Variants in DOK6 observed in about 807,000 individuals in gnomAD.
DOK6 encodes docking protein 6.
In DOK6, 22 loss-of-function variants were observed where a neutral mutation model predicts 44.0. The observed-to-expected ratio is 0.50, with a 90% CI of 0.36 to 0.71. The LOEUF is 0.71. Among genes scored for constraint, DOK6 ranks in the 30% least tolerant of loss-of-function variants. The pLI, the probability that DOK6 is intolerant of heterozygous loss-of-function variation, is 0.00. For synonymous variants in DOK6, 166 were observed against 145.5 expected (o/e 1.14, Z -1.01); for missense variants, 340 against 416.4 (o/e 0.82, Z 1.60).
In DOK6 at chr18:69,510,318, C is replaced by G. The variant is rs1981330625; in HGVS notation, c.67-54169C>G. Reference sequence around the variant, plus strand: ...AATATTGCTTTTAGTTAATATTAACCATTAAGTAATGAAAACATCTTCAAT... The same window carrying G: ...AATATTGCTTTTAGTTAATATTAACGATTAAGTAATGAAAACATCTTCAAT... On this transcript the variant is annotated intron_variant, in intron 1 of 7. Coordinates refer to ENST00000382713, the MANE Select transcript of DOK6 (RefSeq NM_152721.6). Among the ~76,000 whole-genome samples the G allele has an allele frequency of 2.6e-5, 4 of 152,182 alleles. No homozygotes were observed. In the East Asian group the frequency reaches 5.8e-4, roughly 22 times the overall value.
intron 1 of DOK6, among the ~76,000 whole-genome samples, chr18:69,563,020 T>C (rs371654270): frequency 3.6e-4 from 55 of 152,240 alleles, no homozygotes; most frequent in Non-Finnish European, 6.9e-4. Flanking sequence ...CAAAAGAAGA[T>C]ATTTATGCAG....
chr18:69,777,087 A>G (rs571646264), intron 7 of DOK6, among the ~76,000 whole-genome samples: 6 of 151,792 alleles, frequency 4.0e-5, no homozygotes, highest in South Asian at 4.2e-4. Context: ...GCACATGTAT[A>G]CGTATATAAC....
intron 1 of DOK6, among the ~76,000 whole-genome samples, chr18:69,433,809 T>G (rs1978872978): frequency 6.6e-6 from 1 of 152,218 alleles, no homozygotes; most frequent in South Asian, 2.1e-4. Context: ...TGAAGTTCAA[T>G]AGAGAGCACA....
At chr18:69,716,248 A>T (rs939776211) in intron 5 of DOK6, among the ~76,000 whole-genome samples, 4 of 152,186 alleles carry the variant, frequency 2.6e-5, no homozygotes, top group Non-Finnish European at 2.9e-5. Flanking sequence ...TTATTGAGGG[A>T]ATTTGTAATT....
chr18:69,779,044 T>C (rs1980169402), intron 7 of DOK6, among the ~76,000 whole-genome samples: 1 of 152,092 alleles, frequency 6.6e-6, no homozygotes, highest in African/African-American at 2.4e-5. Flanking sequence ...ATATACAAAA[T>C]ACAAAAAAAG....
At chr18:69,642,623 C>A (rs978797962) in intron 3 of DOK6, among the ~76,000 whole-genome samples, 1 of 152,026 alleles carries the variant, frequency 6.6e-6, no homozygotes, top group Non-Finnish European at 1.5e-5. Flanking sequence ...AAAATATTGA[C>A]ATTCTGGAAG....
rs942823367 is a variant in DOK6 at position 69,846,973 on chromosome 18, TACTA to T, written c.*5592_*5595del. 1 of 152,174 alleles carries T rather than the reference TACTA, an allele frequency of 6.6e-6. No homozygotes were observed. The highest frequency in any genetic ancestry group is 1.5e-5 in the Non-Finnish European group (1 of 68,038). 9.4% of individuals were successfully genotyped at this position (152,174 alleles called of 1,614,324 possible). A position where few individuals can be genotyped will look rare whatever the true frequency, so the allele number is the denominator to read the frequency against. On this transcript the variant is annotated 3_prime_UTR_variant, in exon 8 of 8. Coordinates refer to ENST00000382713, the MANE Select transcript of DOK6 (RefSeq NM_152721.6). ...GTTTAAATAAGAAATATGTTAAAAT[TACTA>T]AATAATATGAAAACCACATTATACT...
At chr18:69,752,803 G>A (rs1599306032) in intron 6 of DOK6, among the ~76,000 whole-genome samples, 1 of 152,284 alleles carries the variant, frequency 6.6e-6, no homozygotes, top group Admixed American at 6.5e-5. Context: ...TGCTTCCATA[G>A]GTTTCCCTGG....
intron 1 of DOK6, among the ~76,000 whole-genome samples, chr18:69,509,131 T>C (rs17186863): frequency 0.094 from 14,379 of 152,230 alleles, 875 homozygotes; most frequent in South Asian, 0.15. Flanking sequence ...GTCCACCTGG[T>C]TGTGCTTATG....
intron 1 of DOK6, among the ~76,000 whole-genome samples, chr18:69,456,438 A>G (rs1599140131): frequency 6.6e-6 from 1 of 152,234 alleles, no homozygotes; most frequent in East Asian, 1.9e-4. Context: ...TCTTAGGATA[A>G]TGGCCTCCAG....
intron 3 of DOK6, among the ~76,000 whole-genome samples, chr18:69,607,772 C>T (rs1032268133): frequency 1.3e-5 from 2 of 152,084 alleles, no homozygotes; most frequent in African/African-American, 4.8e-5. Context: ...AGCTCCAAAA[C>T]TATAAAACAC....
intron 4 of DOK6, among the ~76,000 whole-genome samples, chr18:69,687,389 G>A (rs997083108): frequency 5.9e-5 from 9 of 151,954 alleles, no homozygotes; most frequent in Non-Finnish European, 7.4e-5. Flanking sequence ...CAAAAACCTA[G>A]GAATAGAGGC....
intron 3 of DOK6, among the ~76,000 whole-genome samples, chr18:69,670,749 C>T (rs1985778144): frequency 6.6e-6 from 1 of 151,954 alleles, no homozygotes; most frequent in African/African-American, 2.4e-5. Flanking sequence ...ACCTCGTGAT[C>T]CTCCCACCCC....
At chr18:69,577,894 T>C (rs1300341603) in intron 2 of DOK6, among the ~76,000 whole-genome samples, 1 of 152,138 alleles carries the variant, frequency 6.6e-6, no homozygotes, top group Non-Finnish European at 1.5e-5. Context: ...ATAAGAATTA[T>C]TCTATGTGGC....
chr18:69,462,629 A>G (rs1979818254), intron 1 of DOK6, among the ~76,000 whole-genome samples: 3 of 152,216 alleles, frequency 2.0e-5, no homozygotes, highest in Admixed American at 2.0e-4. Context: ...TATTTTTATT[A>G]AAAGCTTCAG....
intron 3 of DOK6, among the ~76,000 whole-genome samples, chr18:69,634,541 C>A (rs1984760256): frequency 6.6e-6 from 1 of 152,130 alleles, no homozygotes; most frequent in African/African-American, 2.4e-5. Context: ...CTTTAATACT[C>A]ATTTCTTTTC....
chr18:69,449,809 T>G (rs1190150295), intron 1 of DOK6, among the ~76,000 whole-genome samples: 2 of 151,154 alleles, frequency 1.3e-5, no homozygotes, highest in Non-Finnish European at 1.5e-5. Context: ...CACTGACACC[T>G]CACACGGCAG....
intron 1 of DOK6, among the ~76,000 whole-genome samples, chr18:69,411,913 A>T (rs112597866): frequency 0.056 from 8,564 of 152,204 alleles, 273 homozygotes; most frequent in Middle Eastern, 0.12. Flanking sequence ...TTCAAGATAA[A>T]TATTTTTCTT....
At chr18:69,507,306 C>T (rs1214942979) in intron 1 of DOK6, among the ~76,000 whole-genome samples, 1 of 152,088 alleles carries the variant, frequency 6.6e-6, no homozygotes, top group Admixed American at 6.6e-5. Context: ...GGATTACAGG[C>T]GTGAGCCACC....
Sources: gnomAD v4.1 joint callset for allele counts (sites outside exome capture counted in the v4.1 genomes callset) on GRCh38, gnomAD v4.1.1 for gene constraint, MANE v1.5 for transcripts, NCBI Gene and HGNC (gene_info 2026-07-23, HGNC 2026-07-21) for gene names.